Variants in TSPAN18 observed in about 807,000 individuals in gnomAD.
TSPAN18 encodes tetraspanin-18.
In TSPAN18, 14 loss-of-function variants were observed where a neutral mutation model predicts 27.3. The ratio of observed to expected loss-of-function variants is 0.51; its 90% CI spans 0.34 to 0.80. TSPAN18 has a LOEUF of 0.80. TSPAN18 is among the 30% of genes least tolerant of loss of function. The pLI is 0.01. For synonymous variants in TSPAN18, 143 were observed against 136.5 expected, an observed-to-expected ratio of 1.05 and a Z score of -0.33; for missense variants, 268 against 323.9, an observed-to-expected ratio of 0.83 and a Z score of 1.32.
At chr11:44,831,621 C>T (rs192393535) in intron 2 of TSPAN18, among the ~76,000 whole-genome samples, 7 of 152,318 alleles carry the variant, frequency 4.6e-5, no homozygotes, top group Admixed American at 4.6e-4. Flanking sequence ...TTCATTTACT[C>T]GCTCACTCAC....
At chr11:44,840,099 C>T (rs1259899366) in intron 2 of TSPAN18, among the ~76,000 whole-genome samples, 1 of 152,224 alleles carries the variant, frequency 6.6e-6, no homozygotes, top group Non-Finnish European at 1.5e-5. Context: ...GCCAAGTCCT[C>T]CACAGAGAGA....
intron 2 of TSPAN18, among the ~76,000 whole-genome samples, chr11:44,811,997 A>G (rs1856727725): frequency 1.3e-5 from 2 of 152,186 alleles, no homozygotes; most frequent in South Asian, 4.1e-4. Context: ...TGGCAATGCC[A>G]TATGTTGCTA....
chr11:44,801,010 C>T (rs541358245), intron 2 of TSPAN18, among the ~76,000 whole-genome samples: 77 of 152,260 alleles, frequency 5.1e-4, no homozygotes, highest in Non-Finnish European at 6.8e-4. Flanking sequence ...ATCTTCTGAC[C>T]CCTAGGCTGA....
intron 2 of TSPAN18, among the ~76,000 whole-genome samples, chr11:44,824,908 G>A (rs1460163834): frequency 1.3e-5 from 2 of 152,198 alleles, no homozygotes; most frequent in South Asian, 2.1e-4. Flanking sequence ...TTCGCTTGGG[G>A]CTGAGAATGT....
intron 2 of TSPAN18, among the ~76,000 whole-genome samples, chr11:44,785,359 A>G (rs1347008046): frequency 2.6e-5 from 4 of 152,008 alleles, no homozygotes; most frequent in Non-Finnish European, 4.4e-5. Context: ...CTATTCATTT[A>G]TATATTCGTT....
At chr11:44,814,252 A>G (rs894866743) in intron 2 of TSPAN18, among the ~76,000 whole-genome samples, 1 of 151,608 alleles carries the variant, frequency 6.6e-6, no homozygotes, top group African/African-American at 2.4e-5. Context: ...TTTTTTTAAG[A>G]TAACAATCAT....
intron 2 of TSPAN18, among the ~76,000 whole-genome samples, chr11:44,835,900 T>A (rs1448171337): frequency 6.6e-6 from 1 of 152,162 alleles, no homozygotes; most frequent in African/African-American, 2.4e-5. Context: ...TGTAATTGTT[T>A]GGGGACATCA....
At chr11:44,900,116 A>G (rs1363318429) in intron 3 of TSPAN18, among the ~76,000 whole-genome samples, 1 of 152,224 alleles carries the variant, frequency 6.6e-6, no homozygotes, top group East Asian at 1.9e-4. Context: ...GGTGGAGCTA[A>G]CAGCCAGGCA....
At chr11:44,894,650 G>A (rs571160307) in intron 3 of TSPAN18, among the ~76,000 whole-genome samples, 1 of 152,352 alleles carries the variant, frequency 6.6e-6, no homozygotes, top group South Asian at 2.1e-4. Flanking sequence ...AAGCCCCGAG[G>A]CACTGCGTGA....
intron 3 of TSPAN18, among the ~76,000 whole-genome samples, chr11:44,861,910 A>C (rs72899306): frequency 6.6e-6 from 1 of 151,898 alleles, no homozygotes; most frequent in East Asian, 1.9e-4. Flanking sequence ...TCTTTCTCAT[A>C]AAGAGTCCCT....
chr11:44,902,051 A>G (rs1859280940), intron 3 of TSPAN18, among the ~76,000 whole-genome samples: 1 of 152,174 alleles, frequency 6.6e-6, no homozygotes, highest in Non-Finnish European at 1.5e-5. Context: ...GTCAGCCAAG[A>G]GCTGAAAGGA....
intron 2 of TSPAN18, among the ~76,000 whole-genome samples, chr11:44,851,837 G>A (rs835803): frequency 0.31 from 46,505 of 151,984 alleles, 7,343 homozygotes; most frequent in African/African-American, 0.34. Context: ...ATCTTCAACA[G>A]CGCTGTTATC....
intron 2 of TSPAN18, among the ~76,000 whole-genome samples, chr11:44,816,879 C>T (rs1338557584): frequency 6.6e-6 from 1 of 152,036 alleles, no homozygotes; most frequent in Admixed American, 6.5e-5. Context: ...TCCTCTTCCT[C>T]CATTGCACTT....
intron 1 of TSPAN18, among the ~76,000 whole-genome samples, chr11:44,743,530 C>G (rs913912566): frequency 6.6e-6 from 1 of 152,198 alleles, no homozygotes; most frequent in African/African-American, 2.4e-5. Flanking sequence ...TGGGGAGAAG[C>G]CGAGAATGGC....
intron 5 of TSPAN18, among the ~76,000 whole-genome samples, chr11:44,912,732 T>C (rs186442025): frequency 6.6e-6 from 1 of 152,290 alleles, no homozygotes; most frequent in Admixed American, 6.5e-5. Flanking sequence ...TGTGTGTACA[T>C]GTGTGCATTG....
chr11:44,926,585 C>A, intron 8 of TSPAN18, 89 bp from the exon 9 acceptor site: 2 of 1,204,188 alleles, frequency 1.7e-6, no homozygotes, highest in Non-Finnish European at 2.5e-6. Context: ...TCTGGGGACA[C>A]CTGCCATGAA....
intron 2 of TSPAN18, among the ~76,000 whole-genome samples, chr11:44,770,519 G>T (rs1855667826): frequency 6.6e-6 from 1 of 152,118 alleles, no homozygotes; most frequent in Non-Finnish European, 1.5e-5. Context: ...TGGAGAGGAG[G>T]CCAGGAGTGA....
In TSPAN18 at chr11:44,919,206, G is replaced by T. The variant is rs1323166322; in HGVS notation, c.334-8G>T. 1 of 1,613,002 alleles carries T rather than the reference G, an allele frequency of 6.2e-7. No individual in the cohort carries two copies. The highest frequency in any genetic ancestry group is 1.3e-5 in the African/African-American group (1 of 75,014). On this transcript the variant is annotated splice_polypyrimidine_tract_variant and splice_region_variant and intron_variant, in intron 6 of 9. Transcript: ENST00000520358. ...AGGCCTAAGCCCATCTTCTCCCTCTGCCCCCAGCTCACCCGAGAATTCTTC... is the reference window on the plus strand; with the variant it reads ...AGGCCTAAGCCCATCTTCTCCCTCTTCCCCCAGCTCACCCGAGAATTCTTC...
chr11:44,819,072 C>T (rs542539935), intron 2 of TSPAN18, among the ~76,000 whole-genome samples: 17 of 152,324 alleles, frequency 1.1e-4, no homozygotes, highest in Middle Eastern at 3.4e-3. Context: ...ATCTAAGCCA[C>T]GGACGCGCCT....
Sources: allele counts gnomAD v4.1 joint callset (sites outside exome capture counted in the v4.1 genomes callset), GRCh38; gene constraint gnomAD v4.1.1; transcripts MANE v1.5; gene names NCBI Gene and HGNC (gene_info 2026-07-23, HGNC 2026-07-21).